Variants in CSMD3 observed in about 807,000 individuals in gnomAD.
CSMD3 encodes the protein CUB and sushi domain-containing protein 3.
In CSMD3, 177 loss-of-function variants were observed where a neutral mutation model predicts 435.2. The observed-to-expected ratio is 0.41, with a 90% CI of 0.36 to 0.46. The LOEUF is 0.46. Among genes scored for constraint, CSMD3 ranks in the 20% least tolerant of loss-of-function variants. The pLI, the probability that CSMD3 is intolerant of heterozygous loss-of-function variation, is 0.34. For missense variants in CSMD3, 4,265 were observed against 4,504.6 expected (o/e 0.95, Z 1.52); for synonymous variants, 1,656 against 1,520.5 (o/e 1.09, Z -2.07).
intron 59 of CSMD3, among the ~76,000 whole-genome samples, chr8:112,273,255 T>C (rs778563037): frequency 1.3e-5 from 2 of 150,192 alleles, no homozygotes; most frequent in Non-Finnish European, 1.5e-5. Context: ...TATTTATCCA[T>C]AAATAAACAA....
intron 3 of CSMD3, among the ~76,000 whole-genome samples, chr8:113,248,823 C>T (rs910872093): frequency 6.6e-6 from 1 of 151,526 alleles, no homozygotes; most frequent in South Asian, 2.1e-4. Context: ...GTATGATGTT[C>T]AAGAAACTTG....
intron 1 of CSMD3, among the ~76,000 whole-genome samples, chr8:113,368,416 A>T (rs1017734105): frequency 2.0e-5 from 3 of 152,272 alleles, no homozygotes; most frequent in African/African-American, 7.2e-5. Flanking sequence ...ACACTTAGCA[A>T]CACTTAAGCA....
At chr8:112,773,690 G>A (rs528892763) in intron 13 of CSMD3, among the ~76,000 whole-genome samples, 1 of 152,090 alleles carries the variant, frequency 6.6e-6, no homozygotes, top group South Asian at 2.1e-4. Flanking sequence ...GAATCTACCA[G>A]ATTTTTTAGA....
intron 5 of CSMD3, among the ~76,000 whole-genome samples, chr8:113,040,355 T>C (rs544278390): frequency 1.6e-4 from 24 of 152,238 alleles, no homozygotes; most frequent in Admixed American, 5.2e-4. Flanking sequence ...GAGAAAGCCA[T>C]TGGAACATTT....
chr8:113,094,777 A>T (rs2090111651), intron 5 of CSMD3, among the ~76,000 whole-genome samples: 1 of 152,234 alleles, frequency 6.6e-6, no homozygotes, highest in Non-Finnish European at 1.5e-5. Flanking sequence ...AATGTATTCA[A>T]TTATCATATG....
chr8:112,720,100 G>T (rs887936259), intron 13 of CSMD3, among the ~76,000 whole-genome samples: 2 of 152,078 alleles, frequency 1.3e-5, no homozygotes, highest in Admixed American at 1.3e-4. Context: ...TTTTTGAATG[G>T]AAGTCTTTAT....
chr8:113,152,558 T>A (rs530979029), intron 4 of CSMD3, among the ~76,000 whole-genome samples: 3 of 152,240 alleles, frequency 2.0e-5, no homozygotes, highest in Admixed American at 2.0e-4. Context: ...AAGCTTTAAA[T>A]AGAATTAACA....
intron 13 of CSMD3, among the ~76,000 whole-genome samples, chr8:112,764,842 T>C (rs932104453): frequency 1.3e-5 from 2 of 151,670 alleles, no homozygotes; most frequent in Non-Finnish European, 1.5e-5. Context: ...TTGTTTAGAG[T>C]AATCATTTAG....
At chr8:113,062,501 C>A (rs2088658987) in intron 5 of CSMD3, among the ~76,000 whole-genome samples, 1 of 151,762 alleles carries the variant, frequency 6.6e-6, no homozygotes, top group Non-Finnish European at 1.5e-5. Flanking sequence ...CTGATTATTT[C>A]CACAACTGAA....
intron 10 of CSMD3, among the ~76,000 whole-genome samples, chr8:112,918,778 A>T (rs2082645865): frequency 1.3e-5 from 2 of 151,922 alleles, no homozygotes. Flanking sequence ...TGTCTGTGTG[A>T]ACTTTTAATC....
chr8:112,822,036 T>C (rs1277049638), intron 12 of CSMD3, among the ~76,000 whole-genome samples: 1 of 152,198 alleles, frequency 6.6e-6, no homozygotes, highest in Non-Finnish European at 1.5e-5. Flanking sequence ...AGTACCATGC[T>C]GTTTTATTTA....
intron 2 of CSMD3, among the ~76,000 whole-genome samples, chr8:113,308,320 G>A (rs1301869033): frequency 1.0e-4 from 13 of 125,918 alleles, no homozygotes; most frequent in Non-Finnish European, 1.1e-4. Flanking sequence ...CCAGGCTGGA[G>A]TGCAGTGGCG....
chr8:113,402,439 T>C (rs775901496), intron 1 of CSMD3, among the ~76,000 whole-genome samples: 13 of 151,268 alleles, frequency 8.6e-5, no homozygotes, highest in Non-Finnish European at 1.5e-4. Flanking sequence ...AACACCAAGG[T>C]TTATGTACCA....
chr8:112,622,473 A>C (rs1834151411), intron 22 of CSMD3, among the ~76,000 whole-genome samples: 2 of 152,266 alleles, frequency 1.3e-5, no homozygotes, highest in East Asian at 1.9e-4. Flanking sequence ...CTTTTTAAAC[A>C]ATGTACAATG....
In CSMD3 at chr8:112,492,542, A is replaced by C. The variant is rs2130852787; in HGVS notation, c.5225T>G (p.Ile1742Ser). 6.2e-7 allele frequency: 1 copy of C among 1,613,940 alleles called. No homozygotes were observed. Among genetic ancestry groups the C allele is most frequent in the South Asian group, 1.1e-5 (1 of 91,084 alleles). The part of the protein sequence containing the change: ...VLQGYSTLTC[I>S]MGDDGRPGWN... Reference sequence around the variant, plus strand: ...TCCAGGTCTTCCATCATCTCCCATGATACAGGTGAGTGTTGAATAACCTTG... The same window carrying C: ...TCCAGGTCTTCCATCATCTCCCATGCTACAGGTGAGTGTTGAATAACCTTG... The change falls in exon 31 of 71, where the codon ATC (isoleucine) becomes AGC (serine). Residue 1742 changes from isoleucine to serine, a missense_variant. Coordinates refer to ENST00000297405, the MANE Select transcript of CSMD3 (RefSeq NM_198123.2).
rs566093325 is a variant in CSMD3, at chr8:112,960,545, T to C, written c.1343-5784A>G. 2.6e-5 allele frequency among the ~76,000 whole-genome samples: 4 copies of C among 151,916 alleles called. No individual in the cohort carries two copies. The East Asian group carries it at 7.7e-4, about 29-fold the overall frequency. ...GAAAACTCAGTGACATAATGTTAAG[T>C]AGCTCATGAATCTTTGTGAAAAATA... is the stretch of plus-strand genomic sequence containing the variant. On this transcript the variant is annotated intron_variant, in intron 7 of 70. Coordinates refer to ENST00000297405, the MANE Select transcript of CSMD3 (RefSeq NM_198123.2).
At chr8:112,675,756 A>G (rs990464097) in intron 16 of CSMD3, among the ~76,000 whole-genome samples, 1 of 152,142 alleles carries the variant, frequency 6.6e-6, no homozygotes, top group Non-Finnish European at 1.5e-5. Flanking sequence ...TCTTTAGAGA[A>G]GAATGGTATA....
intron 58 of CSMD3, among the ~76,000 whole-genome samples, chr8:112,282,955 A>C (rs1416092685): frequency 6.6e-6 from 1 of 152,040 alleles, no homozygotes; most frequent in Non-Finnish European, 1.5e-5. Flanking sequence ...TAATCTAATA[A>C]AAATGAGAGT....
chr8:112,627,666 C>T (rs76767968), intron 22 of CSMD3, among the ~76,000 whole-genome samples: 7,806 of 152,188 alleles, frequency 0.051, 263 homozygotes, highest in African/African-American at 0.099. Context: ...TTTAAGTCCT[C>T]ATAAAACTCA....
Sources: allele counts gnomAD v4.1 joint callset (sites outside exome capture counted in the v4.1 genomes callset), GRCh38; gene constraint gnomAD v4.1.1; transcripts MANE v1.5; gene names NCBI Gene and HGNC (gene_info 2026-07-23, HGNC 2026-07-21).